ITPR1: variants seen among roughly 807,000 people sequenced by gnomAD.
ITPR1 encodes inositol 1,4,5-trisphosphate-gated calcium channel ITPR1.
In ITPR1, 96 loss-of-function variants were observed where a neutral mutation model predicts 318.4. The ratio of observed to expected loss-of-function variants is 0.30; its 90% CI spans 0.26 to 0.36. The LOEUF is 0.36. Among genes scored for constraint, ITPR1 ranks in the 10% least tolerant of loss-of-function variants. The pLI is 1.00. For synonymous variants in ITPR1, 1,312 were observed against 1,289.9 expected (o/e 1.02, Z -0.37); for missense variants, 2,440 against 3,460.2 (o/e 0.71, Z 7.40).
chr3:4,759,955 C>T (rs1241217491), intron 44 of ITPR1, among the ~76,000 whole-genome samples: 1 of 152,224 alleles, frequency 6.6e-6, no homozygotes, highest in Admixed American at 6.5e-5. Flanking sequence ...CTGGCCTTTT[C>T]CTTAAAGCGT....
chr3:4,564,227 C>T (rs928673979), intron 4 of ITPR1, among the ~76,000 whole-genome samples: 8 of 152,182 alleles, frequency 5.3e-5, no homozygotes, highest in African/African-American at 1.9e-4. Flanking sequence ...AGGCGTGAGC[C>T]ACCGCACCCG....
At chr3:4,587,792 A>C (rs2090049426) in intron 4 of ITPR1, among the ~76,000 whole-genome samples, 1 of 152,244 alleles carries the variant, frequency 6.6e-6, no homozygotes, top group Admixed American at 6.5e-5. Flanking sequence ...CTTGTTAAAA[A>C]GACAAGCATT....
chr3:4,782,807 G>T (rs2046920750), intron 50 of ITPR1, 66 bp downstream of exon 50: 4 of 1,383,196 alleles, frequency 2.9e-6, no homozygotes, highest in Admixed American at 5.5e-5. Flanking sequence ...CGAGCTGGAG[G>T]GTGCCCCCAG....
intron 43 of ITPR1, 146 bp downstream of exon 43, chr3:4,733,366 C>A: frequency 1.1e-6 from 1 of 923,618 alleles, no homozygotes; most frequent in Non-Finnish European, 1.6e-6. Flanking sequence ...TGTCTTTGGT[C>A]TACCATCAAA....
intron 35 of ITPR1, among the ~76,000 whole-genome samples, chr3:4,701,109 T>C (rs1366061993): frequency 2.0e-5 from 3 of 152,228 alleles, no homozygotes; most frequent in Admixed American, 1.3e-4. Context: ...AGCAGGTGGC[T>C]ACTCTTATCC....
rs575014336 is a variant in ITPR1, at chr3:4,607,523, AAGAG to A, written c.164-20233_164-20230del. Reference sequence around the variant, plus strand: ...CGATTGATCAAGGCAGGGGAATTGCAAGAGAGAGAGTTTTATACACATAGTGCTG... The same window carrying A: ...CGATTGATCAAGGCAGGGGAATTGCAAGAGAGTTTTATACACATAGTGCTG... On this transcript the variant is annotated intron_variant, in intron 4 of 61. Transcript: ENST00000649015. Among the ~76,000 whole-genome samples the A allele has an allele frequency of 1.2e-4, 18 of 152,240 alleles. No individual in the cohort carries two copies. In the South Asian group the frequency reaches 3.5e-3, roughly 30 times the overall value.
At position 4,836,946 on chromosome 3, in the gene ITPR1, A is replaced by G; in HGVS notation, c.8190+11A>G. The G allele has an allele frequency of 6.4e-7, 1 of 1,564,288 alleles. No homozygotes were observed. The highest frequency in any genetic ancestry group is 2.3e-5 in the East Asian group (1 of 44,258). On this transcript the variant is annotated intron_variant, in intron 61 of 61. Transcript: ENST00000649015. Reference sequence around the variant, plus strand: ...GAATTAAAGGATCAGGTAAAGAAAGAAAATCCCAGCGCCTACCCTCCCATC... The same window carrying G: ...GAATTAAAGGATCAGGTAAAGAAAGGAAATCCCAGCGCCTACCCTCCCATC...
At position 4,645,601 on chromosome 3, in the gene ITPR1, T is replaced by C; in HGVS notation, c.728T>C (p.Phe243Ser). The change falls in exon 10 of 62, where the codon TTT becomes TCT. Residue 243 changes from phenylalanine (F) to serine (S), a missense_variant. This residue lies in a region of ITPR1 where 186 missense variants were observed against 323.9 expected (regional missense o/e 0.57). Transcript: ENST00000649015. ...ILKGGDVVRL[F>S]HAEQEKFLTC... Reference sequence around the variant, plus strand: ...TGTCAGGGTGACGTGGTGAGGCTGTTTCATGCTGAGCAGGAGAAGTTTCTC... The same window carrying C: ...TGTCAGGGTGACGTGGTGAGGCTGTCTCATGCTGAGCAGGAGAAGTTTCTC... The C allele has an allele frequency of 6.2e-7, 1 of 1,613,666 alleles. No individual in the cohort carries two copies. The highest frequency in any genetic ancestry group is 1.7e-5 in the Admixed American group (1 of 59,964).
At chr3:4,639,711 G>C (rs940336467) in intron 6 of ITPR1, among the ~76,000 whole-genome samples, 1 of 152,132 alleles carries the variant, frequency 6.6e-6, no homozygotes, top group Non-Finnish European at 1.5e-5. Flanking sequence ...TTTCACTCCA[G>C]ACACTTCAAA....
intron 60 of ITPR1, among the ~76,000 whole-genome samples, chr3:4,829,731 G>A (rs2050316721): frequency 6.6e-6 from 1 of 151,958 alleles, no homozygotes; most frequent in African/African-American, 2.4e-5. Flanking sequence ...ATCATTTGCT[G>A]CTTACTTTTC....
rs751515028 is a variant in ITPR1, at chr3:4,775,281, T to C, written c.6019T>C (p.Leu2007=). 39 of 1,614,138 alleles carry C rather than the reference T, an allele frequency of 2.4e-5. No homozygotes were observed. Among genetic ancestry groups the C allele is most frequent in the Middle Eastern group, 1.6e-4 (1 of 6,062 alleles). The change falls in exon 47 of 62, where the codon TTG becomes CTG. Residue 2007 remains leucine, a synonymous_variant. Transcript: ENST00000649015. ...CCAAAATAACAAGACCAACTACAATTTGGTATGTGAGACCCTGCAGTTTCT... is the reference window on the plus strand; with the variant it reads ...CCAAAATAACAAGACCAACTACAATCTGGTATGTGAGACCCTGCAGTTTCT... ...RCQNNKTNYN[L]VCETLQFLDC... is the part of the protein sequence containing the mutation.
At position 4,604,770 on chromosome 3, in the gene ITPR1, G is replaced by T. The variant is rs1376731888; in HGVS notation, c.164-22993G>T. On this transcript the variant is annotated intron_variant, in intron 4 of 61. Coordinates refer to ENST00000649015, the MANE Select transcript of ITPR1 (RefSeq NM_001378452.1). ...TACCAGAATAGAGATCTTTCCCCCT[G>T]AAGAGGGAATGCAGAGAGAGGCCTC... 3.9e-5 allele frequency among the ~76,000 whole-genome samples: 6 copies of T among 152,212 alleles called. No homozygotes were observed. In the East Asian group the frequency reaches 1.2e-3, roughly 29 times the overall value.
intron 4 of ITPR1, among the ~76,000 whole-genome samples, chr3:4,572,253 G>T (rs1486673311): frequency 6.6e-6 from 1 of 152,078 alleles, no homozygotes; most frequent in African/African-American, 2.4e-5. Context: ...GTATCTCATA[G>T]GCATCTCAAA....
At chr3:4,693,847 C>A in intron 33 of ITPR1, 106 bp downstream of exon 33, 2 of 1,198,968 alleles carry the variant, frequency 1.7e-6, no homozygotes, top group Non-Finnish European at 2.3e-6. Flanking sequence ...GCCCTCATGG[C>A]TCTGAAAGCT....
At chr3:4,563,213 C>G (rs1319184509) in intron 4 of ITPR1, among the ~76,000 whole-genome samples, 1 of 152,030 alleles carries the variant, frequency 6.6e-6, no homozygotes, top group Non-Finnish European at 1.5e-5. Flanking sequence ...TAGTCAAGAC[C>G]ATGTAAAAAT....
intron 4 of ITPR1, among the ~76,000 whole-genome samples, chr3:4,531,171 C>T (rs1423621540): frequency 6.6e-6 from 1 of 152,082 alleles, no homozygotes; most frequent in African/African-American, 2.4e-5. Context: ...ACAGTGTCTG[C>T]CACTTAAGTG....
chr3:4,792,617 C>T (rs1466299931), intron 52 of ITPR1, among the ~76,000 whole-genome samples: 1 of 152,162 alleles, frequency 6.6e-6, no homozygotes, highest in African/African-American at 2.4e-5. Flanking sequence ...GTCCCCTCCA[C>T]ACGGACCTCT....
At chr3:4,781,028 G>T (rs908477380) in intron 49 of ITPR1, among the ~76,000 whole-genome samples, 2 of 152,244 alleles carry the variant, frequency 1.3e-5, no homozygotes, top group African/African-American at 4.8e-5. Flanking sequence ...GAACACGTGT[G>T]TACATGCATG....
chr3:4,539,149 T>A (rs745912301), intron 4 of ITPR1, among the ~76,000 whole-genome samples: 2 of 152,256 alleles, frequency 1.3e-5, no homozygotes, highest in Non-Finnish European at 2.9e-5. Context: ...TATTGAGTTC[T>A]AATTATTTTC....
Sources: gnomAD v4.1 joint callset for allele counts (sites outside exome capture counted in the v4.1 genomes callset) on GRCh38, gnomAD v4.1.1 for gene constraint, gnomAD v4.1.1 regional missense constraint, MANE v1.5 for transcripts, NCBI Gene and HGNC (gene_info 2026-07-23, HGNC 2026-07-21) for gene names.